The following RHBDD1 variants were observed in gnomAD, a reference collection of about 807,000 sequenced individuals.
RHBDD1 encodes the protein rhomboid-related protein 4.
In RHBDD1, 38 loss-of-function variants were observed where a neutral mutation model predicts 36.3. That is an observed-to-expected ratio of 1.05 (90% CI 0.81 to 1.37). The LOEUF is 1.37. RHBDD1 is among the 40% of genes most tolerant of loss of function. RHBDD1 has a pLI of 0.00. For synonymous variants in RHBDD1, 151 were observed against 136.5 expected (o/e 1.11, Z -0.74); for missense variants, 393 against 377.6 (o/e 1.04, Z -0.34).
At chr2:226,853,728 C>T (rs979433938) in intron 3 of RHBDD1, among the ~76,000 whole-genome samples, 4 of 152,176 alleles carry the variant, frequency 2.6e-5, no homozygotes, top group South Asian at 2.1e-4. Context: ...TACTTTCGTC[C>T]CCTCTTGTGG....
intron 8 of RHBDD1, among the ~76,000 whole-genome samples, chr2:226,918,812 T>C (rs1255304681): frequency 2.0e-5 from 3 of 152,116 alleles, no homozygotes; most frequent in Admixed American, 2.0e-4. Context: ...TTATTTCCTT[T>C]CTTTTGGGCA....
chr2:226,915,560 C>T (rs536643539), intron 8 of RHBDD1, among the ~76,000 whole-genome samples: 1 of 152,276 alleles, frequency 6.6e-6, no homozygotes, highest in East Asian at 1.9e-4. Context: ...GAAGATTGAG[C>T]ACCAATCAGG....
intron 5 of RHBDD1, among the ~76,000 whole-genome samples, chr2:226,899,180 T>C (rs1010400779): frequency 1.3e-5 from 2 of 152,208 alleles, no homozygotes; most frequent in Non-Finnish European, 2.9e-5. Flanking sequence ...TACAATAGCC[T>C]CTTAAATGGA....
At chr2:226,857,548 G>C (rs1331595198) in intron 3 of RHBDD1, among the ~76,000 whole-genome samples, 5 of 152,112 alleles carry the variant, frequency 3.3e-5, no homozygotes, top group Admixed American at 6.6e-5. Flanking sequence ...GCTGATGAAT[G>C]GATGAATAAA....
At chr2:226,842,199 A>G (rs552169270) in intron 3 of RHBDD1, among the ~76,000 whole-genome samples, 1 of 152,282 alleles carries the variant, frequency 6.6e-6, no homozygotes, top group African/African-American at 2.4e-5. Context: ...AACCTTTGTC[A>G]GATGGATAGA....
chr2:226,867,751 C>A, intron 5 of RHBDD1: 1 of 783,320 alleles, frequency 1.3e-6, no homozygotes, highest in Non-Finnish European at 1.5e-6. Context: ...TGGAGTCTCG[C>A]TCTGTTACCC....
At chr2:226,906,988 C>T in intron 6 of RHBDD1, 107 bp downstream of exon 6, 1 of 1,096,502 alleles carries the variant, frequency 9.1e-7, no homozygotes, top group Non-Finnish European at 1.4e-6. Flanking sequence ...TCAAGAATTC[C>T]CTAATATGCC....
intron 5 of RHBDD1, among the ~76,000 whole-genome samples, chr2:226,901,711 C>A (rs1191500728): frequency 6.6e-6 from 1 of 152,094 alleles, no homozygotes; most frequent in African/African-American, 2.4e-5. Context: ...TCCAGCAGAA[C>A]GGAGACTATA....
At chr2:226,826,437 A>G in the RHBDD1 span, among the ~76,000 whole-genome samples, 1 of 152,190 alleles carries the variant, frequency 6.6e-6, no homozygotes, top group Admixed American at 6.5e-5. Context: ...GTCTACTTGC[A>G]AATGCATTGC....
intron 5 of RHBDD1, chr2:226,869,080 A>C (rs1944570546): frequency 3.4e-6 from 2 of 588,356 alleles, no homozygotes; most frequent in Non-Finnish European, 4.3e-6. Flanking sequence ...ATTGAATAAC[A>C]GTGCGTTTAA....
At chr2:226,919,764 C>T (rs1370781963) in intron 8 of RHBDD1, among the ~76,000 whole-genome samples, 1 of 151,976 alleles carries the variant, frequency 6.6e-6, no homozygotes, top group African/African-American at 2.4e-5. Flanking sequence ...TGTGATCCTT[C>T]CAGTTTGCTT....
At chr2:226,834,502 T>C (rs1940821485), upstream of RHBDD1, among the ~76,000 whole-genome samples, 1 of 152,226 alleles carries the variant, frequency 6.6e-6, no homozygotes, top group Non-Finnish European at 1.5e-5. Context: ...TCTTTGTCAC[T>C]TGAAAGTCAT....
chr2:226,984,741 A>C (rs1425010345), intron 8 of RHBDD1, among the ~76,000 whole-genome samples: 1 of 152,124 alleles, frequency 6.6e-6, no homozygotes, highest in Non-Finnish European at 1.5e-5. Context: ...TGGAATACTC[A>C]ATTTATAAGC....
chr2:226,960,012 A>G (rs967586655), intron 8 of RHBDD1, among the ~76,000 whole-genome samples: 2 of 152,118 alleles, frequency 1.3e-5, no homozygotes, highest in Non-Finnish European at 2.9e-5. Flanking sequence ...TAAAGTAGAC[A>G]TGGGGTTTTA....
At chr2:226,925,749 G>A (rs954003850) in intron 8 of RHBDD1, among the ~76,000 whole-genome samples, 3 of 152,190 alleles carry the variant, frequency 2.0e-5, no homozygotes, top group Non-Finnish European at 2.9e-5. Context: ...TTCGTGTGCT[G>A]TTCAAAACAT....
chr2:226,894,942 G>A (rs1327348812), intron 5 of RHBDD1, among the ~76,000 whole-genome samples: 1 of 152,148 alleles, frequency 6.6e-6, no homozygotes, highest in African/African-American at 2.4e-5. Context: ...GGACATGGAG[G>A]GCAAAAGGAA....
chr2:226,968,055 T>C (rs2149307136), intron 8 of RHBDD1, among the ~76,000 whole-genome samples: 1 of 152,350 alleles, frequency 6.6e-6, no homozygotes, highest in East Asian at 1.9e-4. Flanking sequence ...TCTGTCCTGC[T>C]CTTGCATAAC....
upstream of RHBDD1, among the ~76,000 whole-genome samples, chr2:226,830,904 A>C (rs1940724936): frequency 6.6e-6 from 1 of 152,178 alleles, no homozygotes; most frequent in Non-Finnish European, 1.5e-5. Flanking sequence ...TTCTGGGCTC[A>C]AGCACTTTCT....
chr2:226,860,779 C>T (rs984884753), intron 3 of RHBDD1, among the ~76,000 whole-genome samples: 2 of 152,176 alleles, frequency 1.3e-5, no homozygotes, highest in African/African-American at 2.4e-5. Flanking sequence ...AAAGGTGGAG[C>T]CCAAAAGACG....
Sources: gnomAD v4.1 joint callset for allele counts (sites outside exome capture counted in the v4.1 genomes callset) on GRCh38, gnomAD v4.1.1 for gene constraint, MANE v1.5 for transcripts, NCBI Gene and HGNC (gene_info 2026-07-23, HGNC 2026-07-21) for gene names.